The following FAHD2A variants were observed in gnomAD, a reference collection of about 807,000 sequenced individuals.
FAHD2A encodes the protein fumarylacetoacetate hydrolase domain containing 2A.
In FAHD2A, 27 loss-of-function variants were observed where a neutral mutation model predicts 33.4. That is an observed-to-expected ratio of 0.81 (90% confidence interval 0.60 to 1.11). The LOEUF (loss-of-function observed/expected upper bound fraction) is 1.11. Among genes scored for constraint, FAHD2A ranks in the 50% most tolerant of loss-of-function variants. The pLI, the probability that FAHD2A is intolerant of heterozygous loss-of-function variation, is 0.00. For synonymous variants in FAHD2A, 130 were observed against 153.3 expected (o/e 0.85, Z 1.12); for missense variants, 296 against 395.0 (o/e 0.75, Z 2.12).
At chr2:95,410,824 G>A (rs369791868) in intron 4 of FAHD2A, 40 bp from the exon 5 acceptor site, 78 of 1,611,096 alleles carry the variant, frequency 4.8e-5, no homozygotes, top group Middle Eastern at 3.3e-4. Flanking sequence ...TGTCACCCAT[G>A]ATCTAACCTC....
chr2:95,419,382 TGAA>T (rs1683283083), downstream of FAHD2A, among the ~76,000 whole-genome samples: 1 of 151,570 alleles, frequency 6.6e-6, no homozygotes, highest in Admixed American at 6.6e-5. Context: ...AGAGAGAAGT[TGAA>T]GATTCAAAAC....
At position 95,415,572 on chromosome 2, in the gene FAHD2A, G is replaced by GT. The variant is rs1558807656; in HGVS notation, c.*2618dup. On this transcript the variant is annotated 3_prime_UTR_variant, in exon 8 of 8. Transcript: ENST00000233379. ...ATTAAGCGAGATTTAACGGGGAGCT[G>GT]TTTATCTTCTGCCTGTCAGGCAGGC... 6.6e-6 allele frequency: 1 copy of GT among 152,608 alleles called. No individual in the cohort carries two copies. The allele number at this position is 152,608 out of a possible 1,614,324, so 9.5% of individuals were successfully genotyped here.
rs536589340 is a variant in FAHD2A at position 95,408,592 on chromosome 2, C to T, written c.462+1435C>T. 7.9e-5 allele frequency among the ~76,000 whole-genome samples: 12 copies of T among 152,270 alleles called. No homozygotes were observed. In the South Asian group the frequency reaches 2.3e-3, roughly 29 times the overall value. ...GCAGAAAAGAGCTTGTGCAGAGAAA[C>T]TCCCATTTTTAAAACTATCAGATCT... On this transcript the variant is annotated intron_variant, in intron 3 of 7. Coordinates refer to ENST00000233379, the MANE Select transcript of FAHD2A (RefSeq NM_016044.3).
intron 1 of FAHD2A, chr2:95,405,210 T>G: frequency 4.4e-6 from 1 of 227,282 alleles, no homozygotes; most frequent in Middle Eastern, 1.5e-3. Context: ...GTTGTTAACA[T>G]CTGTGACCTG....
chr2:95,419,907 G>A (rs148980086), downstream of FAHD2A, among the ~76,000 whole-genome samples: 5,877 of 152,012 alleles, frequency 0.039, 160 homozygotes, highest in Non-Finnish European at 0.054. Context: ...ATGGAGCTGA[G>A]AATTCCCAAG....
chr2:95,408,235 G>T (rs1681933749), intron 3 of FAHD2A, among the ~76,000 whole-genome samples: 1 of 151,922 alleles, frequency 6.6e-6, no homozygotes. Context: ...AAATCCAATT[G>T]CCCCAATTCC....
chr2:95,414,121 C>T lies in FAHD2A; in HGVS notation c.*1164C>T, dbSNP rs181308949. On this transcript the variant is annotated 3_prime_UTR_variant, in exon 8 of 8. Transcript: ENST00000233379. Reference sequence around the variant, plus strand: ...AGAAGCCCAGGGAGGGATAGATCTCCGACTGGACAGAAGACTACTCTGCAG... The same window carrying T: ...AGAAGCCCAGGGAGGGATAGATCTCTGACTGGACAGAAGACTACTCTGCAG... 7.9e-5 allele frequency: 117 copies of T among 1,487,230 alleles called. No homozygotes were observed. In the East Asian group the frequency reaches 9.8e-4, roughly 12 times the overall value. The allele number at this position is 1,487,230 out of a possible 1,614,324, so 92.1% of individuals were successfully genotyped here.
chr2:95,418,704 C>T (rs1307702917), downstream of FAHD2A, among the ~76,000 whole-genome samples: 1 of 151,936 alleles, frequency 6.6e-6, no homozygotes, highest in Non-Finnish European at 1.5e-5. Flanking sequence ...CATTGATGAC[C>T]TTCATGGGAA....
chr2:95,407,401 A>G, intron 3 of FAHD2A: 2 of 598,346 alleles, frequency 3.3e-6, no homozygotes, highest in Non-Finnish European at 5.9e-6. Flanking sequence ...TTAAAAAATT[A>G]TGTCACCCAT....
At position 95,413,730 on chromosome 2, in the gene FAHD2A, C is replaced by T. The variant is rs1416495956; in HGVS notation, c.*773C>T. ...GCCTCAAAGCAGCCCCAATACCCCA[C>T]CTAGAAGGATGAGCCAGTGATTTGG... On this transcript the variant is annotated 3_prime_UTR_variant, in exon 8 of 8. Coordinates refer to ENST00000233379, the MANE Select transcript of FAHD2A (RefSeq NM_016044.3). 1.3e-6 allele frequency: 1 copy of T among 783,376 alleles called. No homozygotes were observed. The highest frequency in any genetic ancestry group is 1.7e-5 in the African/African-American group (1 of 57,168). The allele number at this position is 783,376 out of a possible 1,614,324, so 48.5% of individuals were successfully genotyped here.
intron 5 of FAHD2A, among the ~76,000 whole-genome samples, chr2:95,411,363 C>T (rs1682475967): frequency 6.6e-6 from 1 of 152,240 alleles, no homozygotes; most frequent in Admixed American, 6.5e-5. Context: ...TATCCCAAGG[C>T]CAAGGCATTT....
At chr2:95,407,379 T>G (rs932427575) in intron 3 of FAHD2A, 18 of 647,546 alleles carry the variant, frequency 2.8e-5, no homozygotes, top group Non-Finnish European at 4.8e-5. Flanking sequence ...GATAATAAAA[T>G]AGAGATAAAC....
downstream of FAHD2A, among the ~76,000 whole-genome samples, chr2:95,417,825 A>T (rs1683251120): frequency 6.6e-6 from 1 of 152,088 alleles, no homozygotes; most frequent in Non-Finnish European, 1.5e-5. Flanking sequence ...CACTAATCCC[A>T]TCATGAGGGC....
rs187604324 is a variant in FAHD2A, at chr2:95,411,061, A to G, written c.685+35A>G. ...TGGTCCCTGCCCCCTTATACCTACC[A>G]TTGCACAGATGAACAGCGCTTCAGG... On this transcript the variant is annotated intron_variant, in intron 5 of 7. Transcript: ENST00000233379. 3.4e-4 allele frequency: 540 copies of G among 1,611,626 alleles called. 2 individuals are homozygous for G. The African/African-American group carries it at 6.0e-3, about 18-fold the overall frequency.
downstream of FAHD2A, among the ~76,000 whole-genome samples, chr2:95,420,903 T>C (rs1683305222): frequency 6.6e-6 from 1 of 152,040 alleles, no homozygotes; most frequent in Admixed American, 6.5e-5. Context: ...TACACAACAC[T>C]TTCCTTAACC....
rs1203119297 is a variant in FAHD2A, at chr2:95,412,727, G to C, written c.845G>C (p.Gly282Ala). The change falls in exon 7 of 8, where the codon GGT becomes GCT. Residue 282 changes from glycine to alanine, a missense_variant. Transcript: ENST00000233379. ...GDVILTGTPP[G>A]VGVFRKPPVF... ...GTCATCCTAACTGGGACCCCCCCAGGTGTCGGTGTATTCAGGAAACCTCCT... is the reference window on the plus strand; with the variant it reads ...GTCATCCTAACTGGGACCCCCCCAGCTGTCGGTGTATTCAGGAAACCTCCT... The C allele has an allele frequency of 6.2e-7, 1 of 1,614,062 alleles. No individual in the cohort carries two copies. Among genetic ancestry groups the C allele is most frequent in the Non-Finnish European group, 8.5e-7 (1 of 1,180,036 alleles).
downstream of FAHD2A, among the ~76,000 whole-genome samples, chr2:95,419,937 G>A (rs2551300): frequency 4.6e-5 from 7 of 152,012 alleles, no homozygotes; most frequent in African/African-American, 1.5e-4. Context: ...CTGCAAGCTG[G>A]AGAACCGGGA....
chr2:95,420,338 T>C (rs1289404017), downstream of FAHD2A, among the ~76,000 whole-genome samples: 1 of 152,108 alleles, frequency 6.6e-6, no homozygotes, highest in Non-Finnish European at 1.5e-5. Context: ...TGGGCTTCTC[T>C]GTAGGATTTG....
chr2:95,417,136 A>G (rs1683229273), downstream of FAHD2A, among the ~76,000 whole-genome samples: 2 of 152,262 alleles, frequency 1.3e-5, no homozygotes, highest in Admixed American at 1.3e-4. Context: ...CAGGTGCCAT[A>G]TAAGAAGACC....
Sources: gnomAD v4.1 joint callset for allele counts (sites outside exome capture counted in the v4.1 genomes callset) on GRCh38, gnomAD v4.1.1 for gene constraint, MANE v1.5 for transcripts, NCBI Gene and HGNC (gene_info 2026-07-23, HGNC 2026-07-21) for gene names.